Variants in TRAPPC9 observed in about 807,000 individuals in gnomAD.
TRAPPC9 encodes IKK2 binding protein.
In TRAPPC9, 83 loss-of-function variants were observed where a neutral mutation model predicts 124.0. The ratio of observed to expected loss-of-function variants is 0.67; its 90% CI spans 0.56 to 0.80. The LOEUF (loss-of-function observed/expected upper bound fraction) is 0.80. Among genes scored for constraint, TRAPPC9 ranks in the 30% least tolerant of loss-of-function variants. The probability of loss-of-function intolerance (pLI) is 0.00; values close to 1 mark genes in which losing one functional copy is unlikely to be tolerated. For missense variants in TRAPPC9, 1,302 were observed against 1,508.3 expected (o/e 0.86, Z 2.27); for synonymous variants, 638 against 617.5 (o/e 1.03, Z -0.49).
At chr8:140,159,136 C>T (rs377372164) in intron 17 of TRAPPC9, among the ~76,000 whole-genome samples, 2 of 152,204 alleles carry the variant, frequency 1.3e-5, no homozygotes, top group East Asian at 1.9e-4. Context: ...TAACCTCCCC[C>T]GCCCGCCGCC....
At chr8:139,894,593 G>T (rs1433637323) in intron 20 of TRAPPC9, among the ~76,000 whole-genome samples, 4 of 152,274 alleles carry the variant, frequency 2.6e-5, no homozygotes, top group Non-Finnish European at 4.4e-5. Flanking sequence ...TTCCCTTGCA[G>T]CCCCCACAGA....
chr8:139,972,122 G>A (rs368806335), intron 19 of TRAPPC9, among the ~76,000 whole-genome samples: 3 of 152,004 alleles, frequency 2.0e-5, no homozygotes, highest in Non-Finnish European at 2.9e-5. Flanking sequence ...CACCATGCCC[G>A]GCCCTAGTTA....
chr8:140,275,145 C>G (rs1056573586), intron 15 of TRAPPC9, among the ~76,000 whole-genome samples: 2 of 152,138 alleles, frequency 1.3e-5, no homozygotes, highest in Non-Finnish European at 2.9e-5. Flanking sequence ...AAATACTACC[C>G]CCCCTATTTA....
intron 11 of TRAPPC9, among the ~76,000 whole-genome samples, chr8:140,298,137 A>G (rs1588115786): frequency 1.3e-5 from 2 of 152,226 alleles, no homozygotes; most frequent in South Asian, 4.1e-4. Context: ...ATAAAGCACA[A>G]CTAGAATAAA....
chr8:140,169,010 G>A (rs1031077604), intron 17 of TRAPPC9, among the ~76,000 whole-genome samples: 4 of 150,848 alleles, frequency 2.7e-5, no homozygotes, highest in African/African-American at 5.0e-5. Context: ...AACTGTTTTC[G>A]AGGGGCTCGC....
chr8:140,333,975 T>C (rs923401703), intron 9 of TRAPPC9, among the ~76,000 whole-genome samples: 3 of 152,188 alleles, frequency 2.0e-5, no homozygotes, highest in African/African-American at 7.2e-5. Context: ...GTCCAAGCAC[T>C]TTACATATGC....
At chr8:139,851,244 C>G (rs1393909954) in intron 21 of TRAPPC9, among the ~76,000 whole-genome samples, 1 of 152,204 alleles carries the variant, frequency 6.6e-6, no homozygotes, top group East Asian at 1.9e-4. Context: ...GGTCAGGGAA[C>G]AGCATACTTT....
At chr8:139,959,514 G>T (rs1468125351) in intron 19 of TRAPPC9, among the ~76,000 whole-genome samples, 2 of 152,244 alleles carry the variant, frequency 1.3e-5, no homozygotes, top group African/African-American at 4.8e-5. Context: ...ACCTTGAGCT[G>T]TTGGGCACCA....
At chr8:140,247,894 A>C (rs997832162) in intron 16 of TRAPPC9, among the ~76,000 whole-genome samples, 1 of 152,172 alleles carries the variant, frequency 6.6e-6, no homozygotes, top group African/African-American at 2.4e-5. Context: ...TATCCATCTC[A>C]TCTCTGAGTT....
At chr8:139,921,115 A>G (rs1418749714) in intron 19 of TRAPPC9, among the ~76,000 whole-genome samples, 1 of 152,236 alleles carries the variant, frequency 6.6e-6, no homozygotes, top group Non-Finnish European at 1.5e-5. Flanking sequence ...GCTAGAGGAC[A>G]CTGGCCACTC....
intron 21 of TRAPPC9, among the ~76,000 whole-genome samples, chr8:139,870,380 A>G (rs1203473079): frequency 6.6e-6 from 1 of 152,270 alleles, no homozygotes; most frequent in Non-Finnish European, 1.5e-5. Context: ...CATGGTTCCA[A>G]CACAGAAGAT....
At chr8:140,244,329 G>A (rs768630575) in intron 16 of TRAPPC9, among the ~76,000 whole-genome samples, 10 of 152,120 alleles carry the variant, frequency 6.6e-5, no homozygotes, top group South Asian at 2.1e-4. Flanking sequence ...CTACCGTCTC[G>A]TCTCATTCTG....
Position 140,104,805 on chromosome 8 carries a change from A to G in TRAPPC9, c.2557-80726T>C, listed in dbSNP as rs555293536. Reference sequence around the variant, plus strand: ...CTTAAACATCCTTCTTGTGATTAGGACATTTCCCAGAGTTGCCTCGAACTG... The same window carrying G: ...CTTAAACATCCTTCTTGTGATTAGGGCATTTCCCAGAGTTGCCTCGAACTG... On this transcript the variant is annotated intron_variant, in intron 17 of 22. Coordinates refer to ENST00000438773, the MANE Select transcript of TRAPPC9 (RefSeq NM_001160372.4). The surrounding 1 kb of genome is among the most constrained non-coding windows in gnomAD (Gnocchi z 4.0). 1.3e-4 allele frequency among the ~76,000 whole-genome samples: 20 copies of G among 152,336 alleles called. No homozygotes were observed. The highest frequency in any genetic ancestry group is 2.5e-4 in the Non-Finnish European group (17 of 68,026).
chr8:140,258,918 G>A lies in TRAPPC9; in HGVS notation c.2279-5989C>T, dbSNP rs553922612. Among the ~76,000 whole-genome samples, 24 of 152,316 alleles carry A rather than the reference G, an allele frequency of 1.6e-4. No individual in the cohort carries two copies. In the East Asian group the frequency reaches 2.1e-3, roughly 13 times the overall value. ...ACCGCCAATACAGCTGAGATACTGA[G>A]GCCCTGTAAGAGCCTCCCCTCCCAA... On this transcript the variant is annotated intron_variant, in intron 15 of 22. Transcript: ENST00000438773.
chr8:139,804,674 A>G (rs1233497051), intron 21 of TRAPPC9, among the ~76,000 whole-genome samples: 1 of 102,298 alleles, frequency 9.8e-6, no homozygotes, highest in Non-Finnish European at 1.9e-5. Flanking sequence ...ACCAAGCACC[A>G]CCACCACACA....
rs1818640850 is a variant in TRAPPC9, at chr8:139,742,617, G to A, written c.3056-10415C>T. On this transcript the variant is annotated intron_variant, in intron 21 of 22. Transcript: ENST00000438773. The surrounding 1 kb of genome is among the most constrained non-coding windows in gnomAD (Gnocchi z 4.7). ...TGGACCCAGAACACGGCCACGGGCA[G>A]AGGCAGGATGGACTCAGGAGTTAGG... Among the ~76,000 whole-genome samples, 1 of 152,206 alleles carries A rather than the reference G, an allele frequency of 6.6e-6. No homozygotes were observed. The highest frequency in any genetic ancestry group is 6.5e-5 in the Admixed American group (1 of 15,280).
chr8:139,983,468 T>A (rs1411417045), intron 19 of TRAPPC9, among the ~76,000 whole-genome samples: 1 of 151,834 alleles, frequency 6.6e-6, no homozygotes, highest in South Asian at 2.1e-4. Context: ...CTCCTCACAC[T>A]GTATAACAAT....
chr8:139,776,073 A>G lies in TRAPPC9; in HGVS notation c.3056-43871T>C, dbSNP rs1339959742. On this transcript the variant is annotated intron_variant, in intron 21 of 22. Transcript: ENST00000438773. This position sits in a 1 kb window ranked among gnomAD's most constrained non-coding sequence, Gnocchi z 4.1. ...CCAGGCACCTTCAGAGGTCTTGAGC[A>G]ATAGCCACCAACCCTGACCAACCTC... Among the ~76,000 whole-genome samples the G allele has an allele frequency of 6.6e-6, 1 of 152,168 alleles. No homozygotes were observed. Among genetic ancestry groups the G allele is most frequent in the South Asian group, 2.1e-4 (1 of 4,832 alleles).
At position 139,834,508 on chromosome 8, in the gene TRAPPC9, A is replaced by G. The variant is rs570776869; in HGVS notation, c.3055+51371T>C. Among the ~76,000 whole-genome samples the G allele has an allele frequency of 6.6e-5, 10 of 152,366 alleles. No homozygotes were observed. In the East Asian group the frequency reaches 1.9e-3, roughly 29 times the overall value. ...GCTGCAAGGCACGGGGGACCCCTCC[A>G]CCGCCAGCAGGCAGGCGGAACGTGG... On this transcript the variant is annotated intron_variant, in intron 21 of 22. Transcript: ENST00000438773.
Sources: gnomAD v4.1 joint callset for allele counts (sites outside exome capture counted in the v4.1 genomes callset) on GRCh38, gnomAD v4.1.1 for gene constraint, Gnocchi (gnomAD v3.1) non-coding constraint, MANE v1.5 for transcripts, NCBI Gene and HGNC (gene_info 2026-07-23, HGNC 2026-07-21) for gene names.